PMVK: variants seen among roughly 807,000 people sequenced by gnomAD.
PMVK encodes the protein phosphomevalonate kinase.
PMVK carries 10 observed loss-of-function variants against 19.0 expected under a neutral mutation model. That is an observed-to-expected ratio of 0.53 (90% CI 0.32 to 0.89). The LOEUF (loss-of-function observed/expected upper bound fraction) is 0.89. PMVK is among the 40% of genes least tolerant of loss of function. The pLI is 0.03. For missense variants in PMVK, 222 were observed against 251.1 expected (o/e 0.88, Z 0.78); for synonymous variants, 108 against 101.6 (o/e 1.06, Z -0.38).
chr1:154,939,191 C>T (rs1219064849), upstream of PMVK, among the ~76,000 whole-genome samples: 1 of 152,162 alleles, frequency 6.6e-6, no homozygotes, highest in Admixed American at 6.5e-5. Context: ...TCCTCAGAGG[C>T]CAGCTCCTAT....
rs564165297 is a variant in PMVK, at chr1:154,927,129, G to A, written c.313-646C>T. 7.2e-5 allele frequency among the ~76,000 whole-genome samples: 11 copies of A among 151,824 alleles called. No individual in the cohort carries two copies. The South Asian group carries it at 1.9e-3, about 26-fold the overall frequency. ...CCACTCTACGTTTGCTCCCCTCTGCGCCCCAACCATAGTCATTTTGTCTGT... is the reference window on the plus strand; with the variant it reads ...CCACTCTACGTTTGCTCCCCTCTGCACCCCAACCATAGTCATTTTGTCTGT... On this transcript the variant is annotated intron_variant, in intron 3 of 4. Transcript: ENST00000368467.
chr1:154,924,781 T>C lies in PMVK; in HGVS notation c.*348A>G, dbSNP rs1454643023. On this transcript the variant is annotated 3_prime_UTR_variant, in exon 5 of 5. Coordinates refer to ENST00000368467, the MANE Select transcript of PMVK (RefSeq NM_006556.4). ...TATTAGTATCCACACTGGGGAGCTC[T>C]GGGTTCTTGCCCAGAACAAGGGGCT... 1 of 273,034 alleles carries C rather than the reference T, an allele frequency of 3.7e-6. No homozygotes were observed. The highest frequency in any genetic ancestry group is 8.1e-5 in the East Asian group (1 of 12,340). The allele number at this position is 273,034 out of a possible 1,614,324, so 16.9% of individuals were successfully genotyped here. A position where few individuals can be genotyped will look rare whatever the true frequency, so the allele number is the denominator to read the frequency against.
At chr1:154,941,014 G>T (rs1318024869), upstream of PMVK, among the ~76,000 whole-genome samples, 1 of 152,182 alleles carries the variant, frequency 6.6e-6, no homozygotes, top group Non-Finnish European at 1.5e-5. Context: ...CAGAGTCTGT[G>T]GTCTCCACTT....
At chr1:154,929,951 A>T (rs768066786) in intron 2 of PMVK, among the ~76,000 whole-genome samples, 4 of 152,112 alleles carry the variant, frequency 2.6e-5, no homozygotes, top group Admixed American at 6.6e-5. Context: ...TTGCTGCAAG[A>T]GGAGGTCAGT....
intron 1 of PMVK, among the ~76,000 whole-genome samples, chr1:154,933,046 C>T (rs1282700669): frequency 6.6e-6 from 1 of 152,150 alleles, no homozygotes; most frequent in Non-Finnish European, 1.5e-5. Flanking sequence ...GAGTTCCAGG[C>T]TACAGTGAGC....
Position 154,929,157 on chromosome 1 carries a change from TG to T in PMVK, c.178del (p.Gln60ArgfsTer17). 1.2e-6 allele frequency: 2 copies of T among 1,614,138 alleles called. No homozygotes were observed. The highest frequency in any genetic ancestry group is 1.7e-6 in the Non-Finnish European group (2 of 1,179,976). The stretch of plus-strand genomic sequence containing the variant: ...GTAGGTGCTGGTGTCCAGGAGTCTC[TG>T]GAAGTTCAAGCCATGCTCCTGCCCA... ...QYAQEHGLNF[Q>X]RLLDTSTYKE... On this transcript the variant is annotated frameshift_variant, in exon 3 of 5. Transcript: ENST00000368467. LOFTEE classifies it high-confidence loss of function.
chr1:154,939,198 C>T (rs183010848), upstream of PMVK, among the ~76,000 whole-genome samples: 40 of 152,278 alleles, frequency 2.6e-4, no homozygotes, highest in Non-Finnish European at 4.9e-4. Context: ...AGGCCAGCTC[C>T]TATGGACACA....
Position 154,924,849 on chromosome 1 carries a change from G to C in PMVK, c.*280C>G. The stretch of plus-strand genomic sequence containing the variant: ...ATGCAAGGCCACCACAGGCTGAGGG[G>C]ACTGGCACTGGGGATATGGCAGGGT... On this transcript the variant is annotated 3_prime_UTR_variant, in exon 5 of 5. Coordinates refer to ENST00000368467, the MANE Select transcript of PMVK (RefSeq NM_006556.4). 3 of 432,844 alleles carry C rather than the reference G, an allele frequency of 6.9e-6. No individual in the cohort carries two copies. In the South Asian group the frequency reaches 8.1e-5, roughly 12 times the overall value. 26.8% of individuals were successfully genotyped at this position (432,844 alleles called of 1,614,324 possible).
upstream of PMVK, chr1:154,938,171 C>T (rs1406373163): frequency 6.6e-6 from 1 of 152,252 alleles, no homozygotes; most frequent in Non-Finnish European, 1.5e-5. Context: ...GGAAAGTCCA[C>T]ATCTCCTGTT....
upstream of PMVK, among the ~76,000 whole-genome samples, chr1:154,938,426 C>A (rs1654576182): frequency 6.6e-6 from 1 of 152,174 alleles, no homozygotes; most frequent in African/African-American, 2.4e-5. Context: ...CCCATCTCTA[C>A]TAAAAATACA....
upstream of PMVK, chr1:154,937,220 G>C (rs972113780): frequency 1.9e-5 from 3 of 154,498 alleles, no homozygotes; most frequent in African/African-American, 7.2e-5. Context: ...AAATCTGCGC[G>C]CGCCCCAGAG....
intron 3 of PMVK, among the ~76,000 whole-genome samples, chr1:154,928,015 G>A (rs1036029309): frequency 6.6e-6 from 1 of 152,052 alleles, no homozygotes; most frequent in Non-Finnish European, 1.5e-5. Flanking sequence ...ATTTCATTGC[G>A]CTTTTGCACC....
chr1:154,940,231 G>A (rs1305032870), upstream of PMVK, among the ~76,000 whole-genome samples: 1 of 152,244 alleles, frequency 6.6e-6, no homozygotes, highest in African/African-American at 2.4e-5. Flanking sequence ...TGTGGCTTCA[G>A]GTGTCTGCCT....
At chr1:154,940,897 G>GT (rs1415214834), upstream of PMVK, among the ~76,000 whole-genome samples, 2 of 152,142 alleles carry the variant, frequency 1.3e-5, no homozygotes, top group African/African-American at 4.8e-5. Context: ...CCCCTTAGAG[G>GT]TTAAGTACAA....
intron 1 of PMVK, among the ~76,000 whole-genome samples, chr1:154,935,844 C>T (rs778852977): frequency 2.7e-5 from 4 of 145,598 alleles, no homozygotes; most frequent in African/African-American, 5.7e-5. Flanking sequence ...TGCTCGCCAT[C>T]GCACTAGGCT....
intron 3 of PMVK, 32 bp from the exon 4 acceptor site, chr1:154,926,515 G>A (rs1197708924): frequency 3.7e-6 from 6 of 1,607,988 alleles, no homozygotes; most frequent in Admixed American, 1.7e-5. Context: ...GTGACCAACA[G>A]GACAGGATGA....
intron 1 of PMVK, 197 bp downstream of exon 1, chr1:154,936,394 C>T: frequency 1.0e-6 from 1 of 985,378 alleles, no homozygotes; most frequent in Non-Finnish European, 1.2e-6. Flanking sequence ...GAGGTGGTCA[C>T]CTGCTTCTTT....
At chr1:154,925,748 G>A (rs193232570) in intron 4 of PMVK, among the ~76,000 whole-genome samples, 1 of 152,284 alleles carries the variant, frequency 6.6e-6, no homozygotes, top group Non-Finnish European at 1.5e-5. Context: ...TCCAACCATG[G>A]GTAAACTAAT....
upstream of PMVK, among the ~76,000 whole-genome samples, chr1:154,938,452 G>GCTGGATAT (rs1654577262): frequency 1.3e-5 from 2 of 152,200 alleles, no homozygotes; most frequent in Non-Finnish European, 2.9e-5. Flanking sequence ...TAGCTGGATA[G>GCTGGATAT]CTGGACGTGG....
Sources: allele counts gnomAD v4.1 joint callset (sites outside exome capture counted in the v4.1 genomes callset), GRCh38; gene constraint gnomAD v4.1.1; transcripts MANE v1.5; gene names NCBI Gene and HGNC (gene_info 2026-07-23, HGNC 2026-07-21).